The following CADPS2 variants were observed in gnomAD, a reference collection of about 807,000 sequenced individuals.
The protein encoded by CADPS2 is calcium dependent secretion activator 2, also known as calcium-dependent secretion activator 2.
CADPS2 carries 93 observed loss-of-function variants against 172.5 expected under a neutral mutation model. That is an observed-to-expected ratio of 0.54 (90% CI 0.46 to 0.64). The LOEUF is 0.64. CADPS2 is among the 30% of genes least tolerant of loss of function. The pLI, the probability that CADPS2 is intolerant of heterozygous loss-of-function variation, is 0.00. For missense variants in CADPS2, 1,420 were observed against 1,565.9 expected (o/e 0.91, Z 1.57); for synonymous variants, 546 against 555.2 (o/e 0.98, Z 0.23).
rs1326376523 is a variant in CADPS2, at chr7:122,393,226, G to A, written c.2978C>T (p.Ala993Val). ...NLPQIPNIST[A>V]SWMPSLYEST... ...CTCATATAAAGAAGGCATCCACGAA[G>A]CAGTAGAAATGTTAGGAATCTGTGG... Residue 993 changes from alanine to valine, a missense_variant, in exon 22 of 30, where the codon GCT (alanine) becomes GTT (valine). Transcript: ENST00000449022. 3 of 1,613,734 alleles carry A rather than the reference G, an allele frequency of 1.9e-6. No individual in the cohort carries two copies. The highest frequency in any genetic ancestry group is 1.7e-6 in the Non-Finnish European group (2 of 1,179,794).
intron 20 of CADPS2, among the ~76,000 whole-genome samples, chr7:122,400,674 A>G (rs1311963830): frequency 1.3e-5 from 2 of 152,202 alleles, no homozygotes; most frequent in Non-Finnish European, 2.9e-5. Flanking sequence ...CATCATTTGT[A>G]AAGTGCATAC....
chr7:122,488,848 A>G (rs1410908476), intron 11 of CADPS2, among the ~76,000 whole-genome samples: 1 of 152,198 alleles, frequency 6.6e-6, no homozygotes, highest in Non-Finnish European at 1.5e-5. Flanking sequence ...TCAATTGTAG[A>G]AAAATAAAGT....
chr7:122,581,000 G>A (rs1280384133), intron 7 of CADPS2, among the ~76,000 whole-genome samples, 179 bp downstream of exon 7: 1 of 152,104 alleles, frequency 6.6e-6, no homozygotes, highest in Admixed American at 6.6e-5. Flanking sequence ...TACTTTCTGT[G>A]TTATAGACAA....
In CADPS2 at chr7:122,656,602, G is replaced by C. The variant is rs1024163670; in HGVS notation, c.786+6635C>G. ...AAAAGACTGAGATTTAATCAGATTA[G>C]AGGACACTCCATCTCTCCAACACTT... On this transcript the variant is annotated intron_variant, in intron 3 of 29. Coordinates refer to ENST00000449022, the MANE Select transcript of CADPS2 (RefSeq NM_017954.11). Among the ~76,000 whole-genome samples, 3 of 152,092 alleles carry C rather than the reference G, an allele frequency of 2.0e-5. No homozygotes were observed. The East Asian group carries it at 5.8e-4, about 29-fold the overall frequency.
intron 29 of CADPS2, among the ~76,000 whole-genome samples, chr7:122,323,123 T>C (rs2150697098): frequency 6.6e-6 from 1 of 152,296 alleles, no homozygotes; most frequent in East Asian, 1.9e-4. Flanking sequence ...AAAAGTCTGT[T>C]TATATTCAAA....
At chr7:122,718,632 T>C in intron 2 of CADPS2, among the ~76,000 whole-genome samples, 1 of 152,156 alleles carries the variant, frequency 6.6e-6, no homozygotes, top group Non-Finnish European at 1.5e-5. Context: ...GAAATGAGGA[T>C]ACAAGAGTTG....
chr7:122,734,424 C>T (rs1326877458), intron 2 of CADPS2, among the ~76,000 whole-genome samples: 3 of 132,748 alleles, frequency 2.3e-5, no homozygotes, highest in East Asian at 2.4e-4. Context: ...ACATTTAACT[C>T]GGATGCTTAC....
chr7:122,764,849 G>A (rs548025892), intron 1 of CADPS2, among the ~76,000 whole-genome samples: 8 of 152,096 alleles, frequency 5.3e-5, no homozygotes, highest in African/African-American at 1.7e-4. Context: ...AGTTTCCACC[G>A]AGCCATTTCA....
intron 7 of CADPS2, among the ~76,000 whole-genome samples, chr7:122,579,087 A>C (rs1226085100): frequency 6.6e-6 from 1 of 152,178 alleles, no homozygotes; most frequent in African/African-American, 2.4e-5. Flanking sequence ...TTGGATACAC[A>C]AATCTGAATC....
intron 6 of CADPS2, among the ~76,000 whole-genome samples, chr7:122,611,617 C>T (rs1476963986): frequency 1.3e-5 from 2 of 151,848 alleles, no homozygotes; most frequent in Non-Finnish European, 2.9e-5. Context: ...AAGCTCAGTC[C>T]CAGATGGCTC....
At chr7:122,496,787 A>C (rs2130129451) in intron 9 of CADPS2, among the ~76,000 whole-genome samples, 1 of 152,258 alleles carries the variant, frequency 6.6e-6, no homozygotes, top group Non-Finnish European at 1.5e-5. Flanking sequence ...TGTTTGCTTA[A>C]AAAGAGTGCA....
chr7:122,513,883 T>G (rs2060168419), intron 8 of CADPS2, among the ~76,000 whole-genome samples: 1 of 152,192 alleles, frequency 6.6e-6, no homozygotes, highest in Non-Finnish European at 1.5e-5. Context: ...TTACCTGACT[T>G]ATGAAAGCAT....
chr7:122,373,813 C>A (rs2042040446), intron 25 of CADPS2, among the ~76,000 whole-genome samples: 1 of 151,898 alleles, frequency 6.6e-6, no homozygotes, highest in Non-Finnish European at 1.5e-5. Flanking sequence ...TGAATTCCAC[C>A]AAACATTTAA....
intron 2 of CADPS2, among the ~76,000 whole-genome samples, chr7:122,713,824 TTTATAG>T (rs1311043589): frequency 6.6e-6 from 1 of 152,014 alleles, no homozygotes; most frequent in Non-Finnish European, 1.5e-5. Flanking sequence ...TATTATACAT[TTTATAG>T]TTATAATGTA....
At position 122,799,762 on chromosome 7, in the gene CADPS2, C is replaced by T. The variant is rs75873931; in HGVS notation, c.340-62694G>A. ...ACTGGCACTCATATTAGTCAAAATA[C>T]ACCTAGCAATTAAAAGTTTTTTAAA... On this transcript the variant is annotated intron_variant, in intron 1 of 29. Transcript: ENST00000449022. Among the ~76,000 whole-genome samples the T allele has an allele frequency of 9.2e-5, 14 of 152,132 alleles. No homozygotes were observed. The East Asian group carries it at 1.7e-3, about 19-fold the overall frequency.
chr7:122,482,060 A>G (rs1233473356), intron 11 of CADPS2, among the ~76,000 whole-genome samples: 1 of 152,176 alleles, frequency 6.6e-6, no homozygotes, highest in Non-Finnish European at 1.5e-5. Context: ...CCACAGTCTT[A>G]AAGTTCTATG....
At chr7:122,878,495 C>T (rs1821912386) in intron 1 of CADPS2, among the ~76,000 whole-genome samples, 1 of 151,318 alleles carries the variant, frequency 6.6e-6, no homozygotes, top group South Asian at 2.1e-4. Flanking sequence ...AAAAAATTAG[C>T]CGGGTGCAGT....
chr7:122,821,265 C>G (rs1350723773), intron 1 of CADPS2, among the ~76,000 whole-genome samples: 2 of 152,282 alleles, frequency 1.3e-5, no homozygotes, highest in African/African-American at 4.8e-5. Flanking sequence ...AATCACCACA[C>G]ACCAGCAAAG....
intron 1 of CADPS2, among the ~76,000 whole-genome samples, chr7:122,770,707 C>A (rs2093683208): frequency 6.6e-6 from 1 of 152,176 alleles, no homozygotes; most frequent in East Asian, 1.9e-4. Context: ...CCAGCTTCTG[C>A]ATGCTCAGGA....
Sources: gnomAD v4.1 joint callset for allele counts (sites outside exome capture counted in the v4.1 genomes callset) on GRCh38, gnomAD v4.1.1 for gene constraint, MANE v1.5 for transcripts, NCBI Gene and HGNC (gene_info 2026-07-23, HGNC 2026-07-21) for gene names.